The following DAB1 variants were observed in gnomAD, a reference collection of about 807,000 sequenced individuals.
DAB1 encodes disabled homolog 1.
In DAB1, 15 loss-of-function variants were observed where a neutral mutation model predicts 64.6. The observed-to-expected ratio is 0.23, with a 90% CI of 0.16 to 0.36. The LOEUF is 0.36. DAB1 is among the 10% of genes least tolerant of loss of function. The probability of loss-of-function intolerance (pLI) is 1.00; values close to 1 mark genes in which losing one functional copy is unlikely to be tolerated. For synonymous variants in DAB1, 235 were observed against 251.9 expected (o/e 0.93, Z 0.64); for missense variants, 596 against 706.7 (o/e 0.84, Z 1.78).
At chr1:57,255,114 A>G in intron 2 of DAB1, among the ~76,000 whole-genome samples, 1 of 152,212 alleles carries the variant, frequency 6.6e-6, no homozygotes, top group East Asian at 1.9e-4. Flanking sequence ...AGAATGAACA[A>G]AGGAATGAAT....
intron 14 of DAB1, among the ~76,000 whole-genome samples, chr1:56,998,387 A>G (rs995036244): frequency 6.6e-6 from 1 of 152,222 alleles, no homozygotes; most frequent in South Asian, 2.1e-4. Flanking sequence ...AGCATGGTAT[A>G]GTAGGGAGAG....
chr1:58,333,797 A>G (rs534393355), intron 4 of DAB1, among the ~76,000 whole-genome samples: 4 of 152,364 alleles, frequency 2.6e-5, no homozygotes, highest in African/African-American at 2.4e-5. Context: ...AAAAGAATGC[A>G]TAAGTGAAGT....
chr1:58,183,646 C>T (rs923664518), intron 4 of DAB1, among the ~76,000 whole-genome samples: 2 of 149,482 alleles, frequency 1.3e-5, no homozygotes, highest in African/African-American at 4.9e-5. Context: ...CTTCTTTGCA[C>T]GTCTTGTTTG....
intron 4 of DAB1, among the ~76,000 whole-genome samples, chr1:57,102,083 G>A (rs1331298128): frequency 6.6e-6 from 1 of 152,160 alleles, no homozygotes; most frequent in African/African-American, 2.4e-5. Context: ...CGAGGCAACA[G>A]ACATGTAAAC....
chr1:57,644,175 C>T (rs564703678), intron 7 of DAB1, among the ~76,000 whole-genome samples: 58 of 152,114 alleles, frequency 3.8e-4, no homozygotes, highest in East Asian at 2.9e-3. Flanking sequence ...GTACTACTTA[C>T]GGGGTTAATT....
intron 3 of DAB1, among the ~76,000 whole-genome samples, chr1:58,465,374 C>T (rs972578325): frequency 5.9e-5 from 9 of 152,218 alleles, no homozygotes; most frequent in Non-Finnish European, 1.2e-4. Flanking sequence ...CATGTAGGCA[C>T]TGATGATGTG....
chr1:57,854,829 A>T (rs185822721), intron 1 of DAB1, among the ~76,000 whole-genome samples: 13 of 152,152 alleles, frequency 8.5e-5, no homozygotes, highest in Admixed American at 3.3e-4. Context: ...AAACAAGGAC[A>T]CCCTGAAAAG....
intron 5 of DAB1, among the ~76,000 whole-genome samples, chr1:58,014,380 T>C (rs1404871541): frequency 1.3e-5 from 2 of 152,234 alleles, no homozygotes; most frequent in African/African-American, 4.8e-5. Flanking sequence ...AAACACTCTC[T>C]CAGATGCTGT....
intron 4 of DAB1, among the ~76,000 whole-genome samples, chr1:57,073,084 G>C (rs1247480544): frequency 6.6e-6 from 1 of 152,170 alleles, no homozygotes; most frequent in East Asian, 1.9e-4. Context: ...TACCACCTGA[G>C]TGAAACTTCC....
intron 5 of DAB1, among the ~76,000 whole-genome samples, chr1:58,034,139 G>A (rs555483181): frequency 1.2e-4 from 18 of 152,326 alleles, no homozygotes; most frequent in African/African-American, 4.3e-4. Context: ...TATGACTTCT[G>A]TTTCGCTAGC....
chr1:57,656,947 A>G (rs763326745), intron 6 of DAB1, among the ~76,000 whole-genome samples: 1 of 152,222 alleles, frequency 6.6e-6, no homozygotes, highest in Non-Finnish European at 1.5e-5. Context: ...AGACCTTAGT[A>G]TACTGACTAG....
chr1:57,484,173 C>T lies in DAB1; in HGVS notation n.625+165419G>A, dbSNP rs944896935. ...TAGGAATGAGCATCAAGTGCTGAGT[C>T]ACCATCTAAAGGGAGAGACAGGGCT... On this transcript the variant is annotated intron_variant and non_coding_transcript_variant, in intron 7 of 20. Coordinates refer to the DAB1 transcript ENST00000485760. Among the ~76,000 whole-genome samples the T allele has an allele frequency of 2.0e-5, 3 of 152,086 alleles. 1 individual carries two copies. The highest frequency in any genetic ancestry group is 7.2e-5 in the African/African-American group (3 of 41,408).
At position 57,781,152 on chromosome 1, in the gene DAB1, A is replaced by G. The variant is rs1413197653; in HGVS notation, n.551+102847T>C. On this transcript the variant is annotated intron_variant and non_coding_transcript_variant, in intron 6 of 20. Transcript: ENST00000485760. Reference sequence around the variant, plus strand: ...TATATATATATATATATATATATATATATATATATATATATATATAGTTGC... The same window carrying G: ...TATATATATATATATATATATATATGTATATATATATATATATATAGTTGC... Among the ~76,000 whole-genome samples, 100 of 109,484 alleles carry G rather than the reference A, an allele frequency of 9.1e-4. 5 individuals are homozygous for G. The South Asian group carries it at 0.017, about 19-fold the overall frequency. 71.8% of individuals were successfully genotyped at this position (109,484 alleles called of 152,430 possible). A position where few individuals can be genotyped will look rare whatever the true frequency, so the allele number is the denominator to read the frequency against.
At chr1:57,052,775 G>C (rs1358284141) in intron 9 of DAB1, among the ~76,000 whole-genome samples, 2 of 152,168 alleles carry the variant, frequency 1.3e-5, no homozygotes, top group Non-Finnish European at 2.9e-5. Context: ...ATACCTTATA[G>C]AACCATTGAT....
chr1:57,026,453 G>C (rs1646792102), intron 9 of DAB1, among the ~76,000 whole-genome samples: 1 of 152,136 alleles, frequency 6.6e-6, no homozygotes, highest in Admixed American at 6.5e-5. Flanking sequence ...TGCAAGTATG[G>C]ACATGACTTC....
At chr1:58,338,245 T>C (rs1663169705) in intron 4 of DAB1, among the ~76,000 whole-genome samples, 1 of 152,114 alleles carries the variant, frequency 6.6e-6, no homozygotes, top group Non-Finnish European at 1.5e-5. Context: ...CACAGCAACC[T>C]GAGAGCTGCT....
intron 7 of DAB1, among the ~76,000 whole-genome samples, chr1:57,457,732 GA>G (rs1260359806): frequency 1.3e-5 from 2 of 152,038 alleles, no homozygotes; most frequent in Non-Finnish European, 2.9e-5. Flanking sequence ...GCAGAGATGT[GA>G]AAACTCCCAG....
chr1:57,642,003 G>A (rs922691253), intron 7 of DAB1, among the ~76,000 whole-genome samples: 4 of 152,112 alleles, frequency 2.6e-5, no homozygotes, highest in African/African-American at 9.7e-5. Context: ...TCACGTCTCT[G>A]ATCTTCTGCC....
chr1:57,128,297 G>T (rs920483797), intron 4 of DAB1, among the ~76,000 whole-genome samples: 3 of 151,790 alleles, frequency 2.0e-5, no homozygotes, highest in East Asian at 1.9e-4. Flanking sequence ...GTGAACAAAG[G>T]ATAAAAAACC....
Sources: gnomAD v4.1 joint callset for allele counts (sites outside exome capture counted in the v4.1 genomes callset) on GRCh38, gnomAD v4.1.1 for gene constraint, MANE v1.5 for transcripts, NCBI Gene and HGNC (gene_info 2026-07-23, HGNC 2026-07-21) for gene names.